The following ANXA10 variants were observed in gnomAD, a reference collection of about 807,000 sequenced individuals.
ANXA10 encodes annexin A10.
A neutral mutation model predicts 53.5 loss-of-function variants in ANXA10; 49 were observed. That is an observed-to-expected ratio of 0.92 (90% CI 0.73 to 1.16). The LOEUF is 1.16. Ranked by LOEUF, ANXA10 falls within the 50% of genes most tolerant of loss-of-function variation. The probability of loss-of-function intolerance (pLI) is 0.00; values close to 1 mark genes in which losing one functional copy is unlikely to be tolerated. For synonymous variants in ANXA10, 131 were observed against 128.9 expected (o/e 1.02, Z -0.11); for missense variants, 393 against 394.4 (o/e 1.00, Z 0.03).
intron 1 of ANXA10, among the ~76,000 whole-genome samples, chr4:168,110,526 G>T (rs1467845281): frequency 6.7e-6 from 1 of 149,298 alleles, no homozygotes; most frequent in Non-Finnish European, 1.5e-5. Flanking sequence ...ATTTAAAATA[G>T]TTTAAGGTAA....
intron 3 of ANXA10, among the ~76,000 whole-genome samples, chr4:168,156,729 T>C (rs1731691006): frequency 1.3e-5 from 2 of 151,828 alleles, no homozygotes; most frequent in Admixed American, 6.6e-5. Context: ...GGTCTCGATC[T>C]CCTGACCTCC....
rs758252315 is a variant in ANXA10 at position 168,181,741 on chromosome 4, TGTAA to T, written c.783+6_783+9del. On this transcript the variant is annotated splice_donor_variant and splice_donor_region_variant and intron_variant, in intron 10 of 11. Transcript: ENST00000359299. LOFTEE classifies it high-confidence loss of function. ...CTTATAGATTATATAGTGCAATTCATGTAAGTAAGACATATATTTTTAAAATTTC... is the reference window on the plus strand; with the variant it reads ...CTTATAGATTATATAGTGCAATTCATGTAAGACATATATTTTTAAAATTTC... 3.9e-5 allele frequency: 62 copies of T among 1,575,490 alleles called. No individual in the cohort carries two copies. Among genetic ancestry groups the T allele is most frequent in the East Asian group, 3.1e-4 (14 of 44,560 alleles).
At chr4:168,104,006 A>G (rs561736762) in intron 1 of ANXA10, among the ~76,000 whole-genome samples, 12 of 152,070 alleles carry the variant, frequency 7.9e-5, no homozygotes, top group African/African-American at 2.9e-4. Context: ...GAAGCATTCA[A>G]TATTTCACCT....
chr4:168,093,699 G>T (rs1356056079), intron 1 of ANXA10, among the ~76,000 whole-genome samples: 2 of 151,970 alleles, frequency 1.3e-5, no homozygotes, highest in African/African-American at 4.8e-5. Context: ...ACAACTTTCT[G>T]GGAACTTTTA....
Position 168,092,707 on chromosome 4 carries a change from T to C in ANXA10, c.7T>C (p.Cys3Arg), listed in dbSNP as rs765338470. 1.9e-6 allele frequency: 3 copies of C among 1,593,976 alleles called. No individual in the cohort carries two copies. Among genetic ancestry groups the C allele is most frequent in the Non-Finnish European group, 2.6e-6 (3 of 1,171,326 alleles). The change falls in exon 1 of 12, where the codon TGT becomes CGT. Residue 3 changes from cysteine to arginine, a missense_variant. Coordinates refer to ENST00000359299, the MANE Select transcript of ANXA10 (RefSeq NM_007193.5). Reference sequence around the variant, plus strand: ...GTTAACAATTACCATCAAAATGTTTTGTGGAGACTATGTGAGTATAATGCT... The same window carrying C: ...GTTAACAATTACCATCAAAATGTTTCGTGGAGACTATGTGAGTATAATGCT... MF[C>R]GDYVQGTIFP...
intron 3 of ANXA10, among the ~76,000 whole-genome samples, chr4:168,147,411 C>T (rs1458970651): frequency 6.6e-6 from 1 of 152,184 alleles, no homozygotes; most frequent in Non-Finnish European, 1.5e-5. Context: ...TGAGAAGCTG[C>T]TTTCCCTTGC....
chr4:168,155,528 A>T lies in ANXA10; in HGVS notation c.196-7000A>T, dbSNP rs577229016. ...ATATTATAAAATATATAATTATATA[A>T]TATATAATTATATATTATAAAATAT... On this transcript the variant is annotated intron_variant, in intron 3 of 11. Transcript: ENST00000359299. Among the ~76,000 whole-genome samples, 20 of 19,072 alleles carry T rather than the reference A, an allele frequency of 1.0e-3. 1 individual carries two copies. Among genetic ancestry groups the T allele is most frequent in the Admixed American group, 3.5e-3 (4 of 1,128 alleles). 12.5% of individuals were successfully genotyped at this position (19,072 alleles called of 152,430 possible).
intron 2 of ANXA10, among the ~76,000 whole-genome samples, chr4:168,129,803 T>A (rs1731129910): frequency 6.6e-6 from 1 of 152,190 alleles, no homozygotes; most frequent in Admixed American, 6.6e-5. Flanking sequence ...AAGAAACACT[T>A]ATTAGTTAAC....
At chr4:168,127,817 CTTTTTTT>C (rs766782048) in intron 1 of ANXA10, 103 of 148,724 alleles carry the variant, frequency 6.9e-4, no homozygotes, top group South Asian at 1.3e-3. Flanking sequence ...ATGTTGAAAC[CTTTTTTT>C]TTTTTTTTTT....
chr4:168,102,978 C>A (rs907924388), intron 1 of ANXA10, among the ~76,000 whole-genome samples: 1 of 151,930 alleles, frequency 6.6e-6, no homozygotes, highest in African/African-American at 2.4e-5. Flanking sequence ...TTTACTATAC[C>A]GTCATTGTGA....
Position 168,124,610 on chromosome 4 carries a change from C to T in ANXA10, c.19-3474C>T, listed in dbSNP as rs567301485. On this transcript the variant is annotated intron_variant, in intron 1 of 11. Coordinates refer to ENST00000359299, the MANE Select transcript of ANXA10 (RefSeq NM_007193.5). ...CTATCCTATGTGATTCCTGCATTGC[C>T]TATATGATACTCTCACTCAGTTGGA... is the stretch of plus-strand genomic sequence containing the variant. 7.9e-5 allele frequency among the ~76,000 whole-genome samples: 12 copies of T among 152,168 alleles called. No homozygotes were observed. The South Asian group carries it at 2.5e-3, about 32-fold the overall frequency.
chr4:168,126,423 A>C (rs748042105), intron 1 of ANXA10, among the ~76,000 whole-genome samples: 1 of 152,170 alleles, frequency 6.6e-6, no homozygotes, highest in Non-Finnish European at 1.5e-5. Flanking sequence ...TTACATTGTT[A>C]TAAAGTGTTA....
At chr4:168,182,047 A>AC (rs1333195130) in intron 10 of ANXA10, among the ~76,000 whole-genome samples, 1 of 152,094 alleles carries the variant, frequency 6.6e-6, no homozygotes, top group Non-Finnish European at 1.5e-5. Flanking sequence ...GTTTCCAAAG[A>AC]CCCCCACATC....
chr4:168,139,721 T>C, intron 3 of ANXA10, 141 bp downstream of exon 3: 2 of 532,884 alleles, frequency 3.8e-6, no homozygotes, highest in East Asian at 5.7e-5. Context: ...CAGTTCATAT[T>C]CCTCTTACAT....
intron 1 of ANXA10, among the ~76,000 whole-genome samples, chr4:168,115,182 C>G (rs1166674493): frequency 6.6e-6 from 1 of 152,112 alleles, no homozygotes; most frequent in East Asian, 1.9e-4. Context: ...TGTGCCCAGC[C>G]TCTGTACCTT....
chr4:168,154,011 C>G (rs1020685237), intron 3 of ANXA10, among the ~76,000 whole-genome samples: 1 of 151,272 alleles, frequency 6.6e-6, no homozygotes. Context: ...CACGCACACA[C>G]GCGCGCGCGC....
At chr4:168,172,662 A>T (rs1023561949) in intron 6 of ANXA10, among the ~76,000 whole-genome samples, 1 of 152,246 alleles carries the variant, frequency 6.6e-6, no homozygotes, top group Admixed American at 6.5e-5. Context: ...GAGAATATGG[A>T]CAATTAAACA....
intron 3 of ANXA10, among the ~76,000 whole-genome samples, chr4:168,162,153 C>A (rs1172154861): frequency 2.0e-5 from 3 of 152,070 alleles, no homozygotes; most frequent in Non-Finnish European, 4.4e-5. Context: ...TGCATATTTT[C>A]TTTAAGGAGT....
chr4:168,101,948 C>T (rs1175895631), intron 1 of ANXA10, among the ~76,000 whole-genome samples: 4 of 152,100 alleles, frequency 2.6e-5, no homozygotes, highest in Admixed American at 2.6e-4. Context: ...TTACTTCTTT[C>T]TCAGACAGTG....
Sources: allele counts gnomAD v4.1 joint callset (sites outside exome capture counted in the v4.1 genomes callset), GRCh38; gene constraint gnomAD v4.1.1; transcripts MANE v1.5; gene names NCBI Gene and HGNC (gene_info 2026-07-23, HGNC 2026-07-21).